HS6ST3: variants seen among roughly 807,000 people sequenced by gnomAD.
HS6ST3 encodes heparan sulfate 6-O-sulfotransferase 3.
In HS6ST3, 12 loss-of-function variants were observed where a neutral mutation model predicts 36.7. The observed-to-expected ratio is 0.33, with a 90% CI of 0.21 to 0.53. The LOEUF is 0.53. Ranked by LOEUF, HS6ST3 falls within the 20% of genes least tolerant of loss-of-function variation. The probability of loss-of-function intolerance (pLI) is 0.95; values close to 1 mark genes in which losing one functional copy is unlikely to be tolerated. For synonymous variants in HS6ST3, 240 were observed against 257.5 expected (o/e 0.93, Z 0.65); for missense variants, 584 against 640.9 (o/e 0.91, Z 0.96).
In HS6ST3 at chr13:96,090,872, A is replaced by T; in HGVS notation, c.10A>T (p.Arg4Trp). The change falls in exon 1 of 2, where the codon AGG (arginine) becomes TGG (tryptophan). Residue 4 changes from arginine (R) to tryptophan (W), a missense_variant. Physicochemically the swap from Arg to Trp is moderately radical, Grantham distance 101. Coordinates refer to ENST00000376705, the MANE Select transcript of HS6ST3 (RefSeq NM_153456.4). ...GCCTGAGAGCGGGACCATGGATGAA[A>T]GGTTCAACAAGTGGCTGCTGACGCC... MDE[R>W]FNKWLLTPVL... 1 of 1,508,358 alleles carries T rather than the reference A, an allele frequency of 6.6e-7. No individual in the cohort carries two copies. Among genetic ancestry groups the T allele is most frequent in the East Asian group, 2.9e-5 (1 of 34,678 alleles). The allele number at this position is 1,508,358 out of a possible 1,614,324, so 93.4% of individuals were successfully genotyped here.
chr13:96,274,004 C>T (rs1453828445), intron 1 of HS6ST3, among the ~76,000 whole-genome samples: 1 of 132,760 alleles, frequency 7.5e-6, no homozygotes, highest in East Asian at 2.5e-4. Flanking sequence ...CCTTCTCCTT[C>T]TCTCTCTCTC....
At chr13:96,561,315 A>G (rs1187839053) in intron 1 of HS6ST3, among the ~76,000 whole-genome samples, 1 of 152,178 alleles carries the variant, frequency 6.6e-6, no homozygotes, top group Non-Finnish European at 1.5e-5. Context: ...TGGTGCTGAG[A>G]TAGCTGGCTA....
At chr13:96,110,323 T>A (rs1367856601) in intron 1 of HS6ST3, among the ~76,000 whole-genome samples, 1 of 152,048 alleles carries the variant, frequency 6.6e-6, no homozygotes, top group African/African-American at 2.4e-5. Context: ...CTTGTGATCA[T>A]GTGGAGGACA....
chr13:96,282,763 A>G (rs1260257610), intron 1 of HS6ST3, among the ~76,000 whole-genome samples: 1 of 152,164 alleles, frequency 6.6e-6, no homozygotes, highest in Non-Finnish European at 1.5e-5. Context: ...TTTGTGAAAC[A>G]ATATCCTGGT....
At chr13:96,458,372 T>C (rs2055764548) in intron 1 of HS6ST3, among the ~76,000 whole-genome samples, 1 of 152,238 alleles carries the variant, frequency 6.6e-6, no homozygotes, top group South Asian at 2.1e-4. Flanking sequence ...CGATTTGTGA[T>C]GCTTCCATCT....
At chr13:96,378,418 C>G (rs967223493) in intron 1 of HS6ST3, among the ~76,000 whole-genome samples, 2 of 152,162 alleles carry the variant, frequency 1.3e-5, no homozygotes, top group Non-Finnish European at 2.9e-5. Flanking sequence ...CTTAGAAGAA[C>G]TCTTCGTGCA....
chr13:96,165,685 G>T (rs1181518961), intron 1 of HS6ST3, among the ~76,000 whole-genome samples: 1 of 152,174 alleles, frequency 6.6e-6, no homozygotes, highest in Non-Finnish European at 1.5e-5. Flanking sequence ...TAGTGGGAAA[G>T]AGACCAAGCA....
At chr13:96,712,068 T>C (rs1246601771) in intron 1 of HS6ST3, among the ~76,000 whole-genome samples, 1 of 152,224 alleles carries the variant, frequency 6.6e-6, no homozygotes, top group Non-Finnish European at 1.5e-5. Context: ...TAACAGATGC[T>C]TTTCTCTAAT....
At chr13:96,791,212 A>C (rs1877781845) in intron 1 of HS6ST3, among the ~76,000 whole-genome samples, 1 of 152,046 alleles carries the variant, frequency 6.6e-6, no homozygotes, top group South Asian at 2.1e-4. Context: ...ACGAACCTCT[A>C]TTACATTGGG....
chr13:96,704,851 A>G (rs971674780), intron 1 of HS6ST3, among the ~76,000 whole-genome samples: 1 of 152,216 alleles, frequency 6.6e-6, no homozygotes, highest in South Asian at 2.1e-4. Context: ...GCAGCTGTTA[A>G]GGGTCCAAGT....
chr13:96,324,134 A>G (rs929566115), intron 1 of HS6ST3, among the ~76,000 whole-genome samples: 2 of 152,194 alleles, frequency 1.3e-5, no homozygotes, highest in African/African-American at 4.8e-5. Flanking sequence ...CAGAGAGGAA[A>G]CTGATAATGA....
In HS6ST3 at chr13:96,648,373, C is replaced by T. The variant is rs540665086; in HGVS notation, c.708-184117C>T. On this transcript the variant is annotated intron_variant, in intron 1 of 1. Coordinates refer to ENST00000376705, the MANE Select transcript of HS6ST3 (RefSeq NM_153456.4). ...CCCAATCTCTTGAGTGCCTCTGGAC[C>T]CAGTCCTTGGTCCTATTTTTTCTCT... 2.7e-4 allele frequency among the ~76,000 whole-genome samples: 41 copies of T among 152,096 alleles called. 1 individual carries two copies. The highest frequency in any genetic ancestry group is 9.9e-4 in the African/African-American group (41 of 41,548).
intron 1 of HS6ST3, among the ~76,000 whole-genome samples, chr13:96,757,614 G>A (rs1031117126): frequency 2.0e-5 from 3 of 152,070 alleles, no homozygotes; most frequent in African/African-American, 4.8e-5. Flanking sequence ...TAAGGTTTTT[G>A]TAGATACGCA....
intron 1 of HS6ST3, among the ~76,000 whole-genome samples, chr13:96,216,786 C>G (rs1345358862): frequency 6.6e-6 from 1 of 152,158 alleles, no homozygotes; most frequent in Non-Finnish European, 1.5e-5. Flanking sequence ...GGCCAAAGCA[C>G]AGATCATCCA....
chr13:96,783,775 C>T (rs1877578839), intron 1 of HS6ST3, among the ~76,000 whole-genome samples: 1 of 151,970 alleles, frequency 6.6e-6, no homozygotes, highest in Non-Finnish European at 1.5e-5. Context: ...TGTGATTCAA[C>T]AGAGCCCGGA....
At chr13:96,485,833 T>C (rs554155613) in intron 1 of HS6ST3, among the ~76,000 whole-genome samples, 1 of 152,292 alleles carries the variant, frequency 6.6e-6, no homozygotes, top group East Asian at 1.9e-4. Flanking sequence ...CAATACTTCA[T>C]AGCCTTCAAA....
At position 96,555,234 on chromosome 13, in the gene HS6ST3, G is replaced by A. The variant is rs147451603; in HGVS notation, c.708-277256G>A. On this transcript the variant is annotated intron_variant, in intron 1 of 1. Transcript: ENST00000376705. ...GTAAGTGAGATACATACATTAGTATGTGTTAATTAGTTTGATTTAGGTATT... is the reference window on the plus strand; with the variant it reads ...GTAAGTGAGATACATACATTAGTATATGTTAATTAGTTTGATTTAGGTATT... 2.0e-3 allele frequency among the ~76,000 whole-genome samples: 297 copies of A among 152,252 alleles called. 2 individuals are homozygous for A. Among genetic ancestry groups the A allele is most frequent in the African/African-American group, 6.9e-3 (286 of 41,558 alleles).
intron 1 of HS6ST3, among the ~76,000 whole-genome samples, chr13:96,469,076 T>C (rs886624570): frequency 2.0e-5 from 3 of 152,138 alleles, no homozygotes; most frequent in African/African-American, 7.2e-5. Context: ...GTTTTTTTTC[T>C]CCCTCATAAA....
At chr13:96,803,159 A>C (rs1318198473) in intron 1 of HS6ST3, among the ~76,000 whole-genome samples, 2 of 150,822 alleles carry the variant, frequency 1.3e-5, no homozygotes, top group Admixed American at 6.6e-5. Flanking sequence ...TCATTCCCCC[A>C]GTGGAGGCTG....
Sources: gnomAD v4.1 joint callset for allele counts (sites outside exome capture counted in the v4.1 genomes callset) on GRCh38, gnomAD v4.1.1 for gene constraint, MANE v1.5 for transcripts, NCBI Gene and HGNC (gene_info 2026-07-23, HGNC 2026-07-21) for gene names.